Variants in TBL1XR1 observed in about 807,000 individuals in gnomAD.
TBL1XR1 encodes F-box-like/WD repeat-containing protein TBL1XR1.
TBL1XR1 carries 5 observed loss-of-function variants against 66.9 expected under a neutral mutation model. The observed-to-expected ratio is 0.07, with a 90% CI of 0.04 to 0.16. The LOEUF (loss-of-function observed/expected upper bound fraction) is 0.16. TBL1XR1 is among the 10% of genes least tolerant of loss of function. The pLI is 1.00. For missense variants in TBL1XR1, 238 were observed against 623.2 expected, an observed-to-expected ratio of 0.38 and a Z score of 6.58; for synonymous variants, 210 against 206.0, an observed-to-expected ratio of 1.02 and a Z score of -0.17.
At chr3:177,201,178 C>T (rs889728125), upstream of TBL1XR1, among the ~76,000 whole-genome samples, 5 of 150,392 alleles carry the variant, frequency 3.3e-5, no homozygotes, top group African/African-American at 9.8e-5. Context: ...TTTGGGAGGC[C>T]GAGGCGGGCG....
At chr3:177,181,836 A>ACAC (rs35856346) in intron 1 of TBL1XR1, among the ~76,000 whole-genome samples, 8 of 149,684 alleles carry the variant, frequency 5.3e-5, no homozygotes, top group African/African-American at 1.9e-4. Context: ...AAAAAAAAAA[A>ACAC]ACACACACAT....
intron 14 of TBL1XR1, among the ~76,000 whole-genome samples, chr3:177,029,347 T>C (rs1324409507): frequency 2.6e-5 from 4 of 152,212 alleles, no homozygotes; most frequent in Non-Finnish European, 5.9e-5. Context: ...CTGGGCGTGA[T>C]GCCTCATGCC....
chr3:177,121,999 T>C (rs1436221637), intron 1 of TBL1XR1, among the ~76,000 whole-genome samples: 1 of 152,104 alleles, frequency 6.6e-6, no homozygotes, highest in East Asian at 1.9e-4. Context: ...AATAAATACA[T>C]TTAGGATGAT....
At chr3:177,149,740 G>A (rs1730668202) in intron 1 of TBL1XR1, among the ~76,000 whole-genome samples, 1 of 152,086 alleles carries the variant, frequency 6.6e-6, no homozygotes, top group Admixed American at 6.6e-5. Flanking sequence ...GACACAACGC[G>A]ACTGTGAAAA....
intron 1 of TBL1XR1, among the ~76,000 whole-genome samples, chr3:177,133,780 T>G (rs755429468): frequency 1.4e-5 from 2 of 146,780 alleles, no homozygotes; most frequent in Non-Finnish European, 3.0e-5. Flanking sequence ...CACACACCTG[T>G]AAGCCCAGCC....
At chr3:177,053,708 A>G (rs1717415822) in intron 4 of TBL1XR1, 65 bp downstream of exon 4, 1 of 1,468,554 alleles carries the variant, frequency 6.8e-7, no homozygotes, top group African/African-American at 1.4e-5. Context: ...TAAGCAAGCA[A>G]GACAGCTGAC....
At chr3:177,164,728 G>T (rs969652426) in intron 1 of TBL1XR1, among the ~76,000 whole-genome samples, 1 of 152,150 alleles carries the variant, frequency 6.6e-6, no homozygotes, top group African/African-American at 2.4e-5. Context: ...CGAACTGAAA[G>T]AATATTGTTA....
Position 177,047,353 on chromosome 3 carries a change from C to T in TBL1XR1, c.811G>A (p.Ala271Thr). 6.4e-7 allele frequency: 1 copy of T among 1,572,160 alleles called. No homozygotes were observed. Among genetic ancestry groups the T allele is most frequent in the Admixed American group, 1.8e-5 (1 of 54,314 alleles). The change falls in exon 9 of 16, where the codon GCA becomes ACA. Residue 271 changes from alanine (A) to threonine (T), a missense_variant. Physicochemically the swap from Ala to Thr is moderately conservative, Grantham distance 58. Transcript: ENST00000457928. ...TLGQHKGPIF[A>T]LKWNKKGNFI... ...TTTCCTTTCTTATTCCATTTTAATG[C>T]AAATATAGGGCCTTTATGCTGCCCT...
chr3:177,075,286 T>C (rs1274663791), intron 2 of TBL1XR1, among the ~76,000 whole-genome samples: 1 of 152,252 alleles, frequency 6.6e-6, no homozygotes, highest in Non-Finnish European at 1.5e-5. Context: ...AGTCTTTACG[T>C]GGCATTCTCC....
chr3:177,054,075 CGCGCGCGTGTGTGT>C (rs1717486783), intron 3 of TBL1XR1, among the ~76,000 whole-genome samples, 157 bp from the exon 4 acceptor site: 2 of 140,656 alleles, frequency 1.4e-5, no homozygotes, highest in South Asian at 4.4e-4. Context: ...TGTGTGTGTG[CGCGCGCGTGTGTGT>C]GCATGTAAAC....
At chr3:177,067,363 C>T (rs2108548147) in intron 2 of TBL1XR1, among the ~76,000 whole-genome samples, 1 of 152,164 alleles carries the variant, frequency 6.6e-6, no homozygotes, top group East Asian at 1.9e-4. Flanking sequence ...TTTCTTTTCC[C>T]CTAATATCAT....
chr3:177,170,542 T>A (rs1386785230), intron 1 of TBL1XR1, among the ~76,000 whole-genome samples: 1 of 152,126 alleles, frequency 6.6e-6, no homozygotes, highest in Non-Finnish European at 1.5e-5. Context: ...CGTGGCACAG[T>A]GCCTGGAGCA....
intron 1 of TBL1XR1, among the ~76,000 whole-genome samples, chr3:177,182,547 T>C (rs995198198): frequency 3.3e-5 from 5 of 152,086 alleles, no homozygotes; most frequent in East Asian, 3.9e-4. Flanking sequence ...CAGAGCCTCA[T>C]AGGATTCAAC....
chr3:177,082,345 G>C (rs1039615258), intron 2 of TBL1XR1, among the ~76,000 whole-genome samples: 3 of 151,242 alleles, frequency 2.0e-5, no homozygotes, highest in Non-Finnish European at 4.4e-5. Context: ...GTTCTAAAAT[G>C]AATTTAAAAT....
intron 1 of TBL1XR1, among the ~76,000 whole-genome samples, chr3:177,112,141 T>TA (rs2108727555): frequency 7.7e-6 from 1 of 130,584 alleles, no homozygotes; most frequent in East Asian, 2.5e-4. Context: ...GGGCTCTGAC[T>TA]CTGTTGCCGA....
intron 10 of TBL1XR1, among the ~76,000 whole-genome samples, chr3:177,045,630 G>C (rs1716229302): frequency 6.6e-6 from 1 of 152,044 alleles, no homozygotes; most frequent in African/African-American, 2.4e-5. Context: ...CAAATACTCA[G>C]GTACCTGGAT....
At chr3:177,072,722 T>C (rs779730371) in intron 2 of TBL1XR1, among the ~76,000 whole-genome samples, 49 of 152,136 alleles carry the variant, frequency 3.2e-4, no homozygotes, top group Non-Finnish European at 5.4e-4. Context: ...AAAGAAGAAA[T>C]GACAATATAG....
At chr3:177,114,641 A>G (rs1449580962) in intron 1 of TBL1XR1, among the ~76,000 whole-genome samples, 2 of 152,002 alleles carry the variant, frequency 1.3e-5, no homozygotes, top group South Asian at 4.1e-4. Context: ...CATGACAAAA[A>G]CATAATGTCG....
intron 1 of TBL1XR1, among the ~76,000 whole-genome samples, chr3:177,104,817 A>G (rs1724669695): frequency 6.6e-6 from 1 of 152,258 alleles, no homozygotes; most frequent in African/African-American, 2.4e-5. Context: ...ATTGAATTTT[A>G]TGTTAAGATT....
Sources: gnomAD v4.1 joint callset for allele counts (sites outside exome capture counted in the v4.1 genomes callset) on GRCh38, gnomAD v4.1.1 for gene constraint, MANE v1.5 for transcripts, NCBI Gene and HGNC (gene_info 2026-07-23, HGNC 2026-07-21) for gene names.